The following HUNK variants were observed in gnomAD, a reference collection of about 807,000 sequenced individuals.
HUNK encodes hormonally up-regulated Neu-associated kinase.
A neutral mutation model predicts 61.0 loss-of-function variants in HUNK; 21 were observed. The ratio of observed to expected loss-of-function variants is 0.34; its 90% CI spans 0.24 to 0.50. The LOEUF is 0.50. Among genes scored for constraint, HUNK ranks in the 20% least tolerant of loss-of-function variants. The pLI, the probability that HUNK is intolerant of heterozygous loss-of-function variation, is 0.98. For missense variants in HUNK, 772 were observed against 945.7 expected (o/e 0.82, Z 2.41); for synonymous variants, 371 against 386.1 (o/e 0.96, Z 0.46).
intron 10 of HUNK, among the ~76,000 whole-genome samples, chr21:31,997,742 A>C (rs2053215819): frequency 6.6e-6 from 1 of 152,258 alleles, no homozygotes; most frequent in East Asian, 1.9e-4. Flanking sequence ...ACAATAAATA[A>C]ATTTTTTAAA....
intron 9 of HUNK, among the ~76,000 whole-genome samples, chr21:31,991,838 C>A (rs1427717534): frequency 6.6e-6 from 1 of 152,358 alleles, no homozygotes; most frequent in East Asian, 1.9e-4. Flanking sequence ...GGCAGCCATC[C>A]ATCCTCCGGC....
chr21:31,983,673 T>C lies in HUNK; in HGVS notation c.1257+64T>C. 4.1e-6 allele frequency: 5 copies of C among 1,211,182 alleles called. No individual in the cohort carries two copies. In the South Asian group the frequency reaches 5.0e-5, roughly 12 times the overall value. 75.0% of individuals were successfully genotyped at this position (1,211,182 alleles called of 1,614,324 possible). On this transcript the variant is annotated intron_variant, in intron 8 of 10. Transcript: ENST00000270112. Reference sequence around the variant, plus strand: ...AAGGGTGGATTTCCATTTGCAGTAATTGGAAAAGAAACCAATTACTGTGGG... The same window carrying C: ...AAGGGTGGATTTCCATTTGCAGTAACTGGAAAAGAAACCAATTACTGTGGG...
At chr21:31,983,098 C>T (rs2053109272) in intron 7 of HUNK, among the ~76,000 whole-genome samples, 1 of 152,230 alleles carries the variant, frequency 6.6e-6, no homozygotes, top group East Asian at 1.9e-4. Flanking sequence ...CCACTGCACC[C>T]AGCCGTGTGC....
At chr21:31,877,671 A>G (rs184322162) in intron 1 of HUNK, among the ~76,000 whole-genome samples, 2 of 152,340 alleles carry the variant, frequency 1.3e-5, no homozygotes, top group Admixed American at 6.5e-5. Flanking sequence ...TGATTAGACC[A>G]GGGAAAATGA....
At chr21:31,885,734 T>C (rs1440775994) in intron 1 of HUNK, among the ~76,000 whole-genome samples, 1 of 152,146 alleles carries the variant, frequency 6.6e-6, no homozygotes, top group Non-Finnish European at 1.5e-5. Context: ...TGTTCCCTTT[T>C]GTATTTTTTT....
At chr21:31,916,211 C>T (rs933314965) in intron 1 of HUNK, among the ~76,000 whole-genome samples, 44 of 151,866 alleles carry the variant, frequency 2.9e-4, no homozygotes, top group African/African-American at 9.9e-4. Flanking sequence ...CCACCATACC[C>T]GGCTAATTTT....
chr21:31,919,287 C>T (rs1319686718), intron 1 of HUNK, among the ~76,000 whole-genome samples: 1 of 152,090 alleles, frequency 6.6e-6, no homozygotes, highest in Non-Finnish European at 1.5e-5. Flanking sequence ...CCATAGATCA[C>T]CTCATTGCCT....
At chr21:31,983,300 C>A (rs59080285) in intron 7 of HUNK, among the ~76,000 whole-genome samples, 2 of 152,128 alleles carry the variant, frequency 1.3e-5, no homozygotes, top group Non-Finnish European at 2.9e-5. Flanking sequence ...TTACTGGCAG[C>A]GATAGTAACA....
At position 31,873,973 on chromosome 21, in the gene HUNK, GC is replaced by G; in HGVS notation, c.261+39del. 1 of 1,400,270 alleles carries G rather than the reference GC, an allele frequency of 7.1e-7. No homozygotes were observed. Among genetic ancestry groups the G allele is most frequent in the Non-Finnish European group, 9.4e-7 (1 of 1,069,234 alleles). The allele number at this position is 1,400,270 out of a possible 1,614,324, so 86.7% of individuals were successfully genotyped here. A position where few individuals can be genotyped will look rare whatever the true frequency, so the allele number is the denominator to read the frequency against. On this transcript the variant is annotated intron_variant, in intron 1 of 10. Coordinates refer to ENST00000270112, the MANE Select transcript of HUNK (RefSeq NM_014586.2). This position sits in a 1 kb window ranked among gnomAD's most constrained non-coding sequence, Gnocchi z 6.1. ...GGCGCCGTGGGGCTGGGGCACAGGG[GC>G]GGGAGTCGGCGGCCAGGACCCCGCG... is the stretch of plus-strand genomic sequence containing the variant.
Position 31,998,835 on chromosome 21 carries a change from T to C in HUNK, c.1796T>C (p.Leu599Pro). 4.3e-6 allele frequency: 7 copies of C among 1,614,200 alleles called. No homozygotes were observed. The South Asian group carries it at 4.4e-5, about 10-fold the overall frequency. The change falls in exon 11 of 11, where the codon CTG (leucine) becomes CCG (proline). Residue 599 changes from leucine to proline, a missense_variant. Physicochemically the swap from Leu to Pro is moderately conservative, Grantham distance 98. Transcript: ENST00000270112. ...LARRNSSERT[L>P]SPGLPSGSMS... ...CGCAGAAATTCCAGCGAGAGGACGC[T>C]GTCCCCGGGTCTGCCATCCGGAAGC... is the stretch of plus-strand genomic sequence containing the variant.
At position 31,998,960 on chromosome 21, in the gene HUNK, C is replaced by T. The variant is rs1312056166; in HGVS notation, c.1921C>T (p.Pro641Ser). 2 of 1,614,218 alleles carry T rather than the reference C, an allele frequency of 1.2e-6. No individual in the cohort carries two copies. The highest frequency in any genetic ancestry group is 1.7e-6 in the Non-Finnish European group (2 of 1,180,042). ...PKEEGLCCPP[P>S]VPSNGPMQPL... ...AGAGGAGGGCCTGTGTTGCCCACCT[C>T]CGGTTCCCAGCAATGGCCCCATGCA... Residue 641 changes from proline to serine, a missense_variant, in exon 11 of 11, where the codon CCG becomes TCG. Around this residue, in one of 2 missense-constraint regions of HUNK, gnomAD observed 413 missense variants for 444.4 expected, o/e 0.93. Transcript: ENST00000270112.
In HUNK at chr21:31,906,973, G is replaced by A. The variant is rs1252113597; in HGVS notation, c.262-17495G>A. ...GTGGATCACCTGAGGTCAGGAGTTC[G>A]AGACCAGCCTGGCCAACATGGTGAA... On this transcript the variant is annotated intron_variant, in intron 1 of 10. Transcript: ENST00000270112. 3.3e-5 allele frequency among the ~76,000 whole-genome samples: 5 copies of A among 152,152 alleles called. No individual in the cohort carries two copies. The East Asian group carries it at 9.8e-4, about 30-fold the overall frequency.
Position 31,907,995 on chromosome 21 carries a change from G to GA in HUNK, c.262-16463dup, listed in dbSNP as rs953884983. On this transcript the variant is annotated intron_variant, in intron 1 of 10. Transcript: ENST00000270112. ...GACAGAGCGAGTCTCCATCTCAAAAGAAAAAAAAAATGGTGAGGACAGTAA... is the reference window on the plus strand; with the variant it reads ...GACAGAGCGAGTCTCCATCTCAAAAGAAAAAAAAAAATGGTGAGGACAGTAA... 1.9e-3 allele frequency among the ~76,000 whole-genome samples: 283 copies of GA among 145,760 alleles called. 1 individual carries two copies. Among genetic ancestry groups the GA allele is most frequent in the African/African-American group, 6.2e-3 (245 of 39,696 alleles).
intron 8 of HUNK, among the ~76,000 whole-genome samples, chr21:31,984,983 T>G (rs575270387): frequency 3.3e-4 from 50 of 152,172 alleles, no homozygotes; most frequent in Non-Finnish European, 5.1e-4. Context: ...AGTCACGTCT[T>G]ACATGGTGGC....
At chr21:31,903,177 A>G (rs976501368) in intron 1 of HUNK, among the ~76,000 whole-genome samples, 1 of 152,172 alleles carries the variant, frequency 6.6e-6, no homozygotes, top group Non-Finnish European at 1.5e-5. Flanking sequence ...GCCCAGTGGG[A>G]TAGAAAATCA....
chr21:31,899,464 T>C (rs2052448511), intron 1 of HUNK, among the ~76,000 whole-genome samples: 2 of 152,178 alleles, frequency 1.3e-5, no homozygotes, highest in Admixed American at 6.5e-5. Context: ...CCTCTTGTTG[T>C]AAAGACATCA....
intron 9 of HUNK, 57 bp downstream of exon 9, chr21:31,990,233 T>C (rs2053162905): frequency 5.6e-6 from 8 of 1,421,560 alleles, no homozygotes; most frequent in Admixed American, 1.7e-5. Context: ...ACAGAACCAA[T>C]AGAGTATGGA....
chr21:31,913,777 A>G (rs2052562507), intron 1 of HUNK, among the ~76,000 whole-genome samples: 1 of 151,714 alleles, frequency 6.6e-6, no homozygotes, highest in Admixed American at 6.6e-5. Flanking sequence ...AACCTCAGGG[A>G]GGCTACTGGG....
chr21:31,967,734 A>T (rs772622473), intron 5 of HUNK, among the ~76,000 whole-genome samples: 2 of 152,092 alleles, frequency 1.3e-5, no homozygotes, highest in Admixed American at 1.3e-4. Flanking sequence ...TGCCCAGTTG[A>T]GAGGTCTAAC....
Sources: allele counts gnomAD v4.1 joint callset (sites outside exome capture counted in the v4.1 genomes callset), GRCh38; gene constraint gnomAD v4.1.1; regional missense constraint gnomAD v4.1.1; non-coding constraint Gnocchi (gnomAD v3.1); transcripts MANE v1.5; gene names NCBI Gene and HGNC (gene_info 2026-07-23, HGNC 2026-07-21).